Variants in FOXM1 observed in about 807,000 individuals in gnomAD.
The protein encoded by FOXM1 is forkhead box protein M1.
In FOXM1, 25 loss-of-function variants were observed where a neutral mutation model predicts 63.6. The observed-to-expected ratio is 0.39, with a 90% confidence interval of 0.29 to 0.55. FOXM1 has a LOEUF of 0.55. Among genes scored for constraint, FOXM1 ranks in the 20% least tolerant of loss-of-function variants. FOXM1 has a pLI of 0.60. For synonymous variants in FOXM1, 387 were observed against 376.9 expected, an observed-to-expected ratio of 1.03 and a Z score of -0.31; for missense variants, 879 against 958.7, an observed-to-expected ratio of 0.92 and a Z score of 1.10.
Position 2,874,645 on chromosome 12 carries a change from A to G in FOXM1, c.-47-120T>C. On this transcript the variant is annotated intron_variant, in intron 1 of 8. Transcript: ENST00000359843. The surrounding 1 kb of genome is among the most constrained non-coding windows in gnomAD (Gnocchi z 4.3). The stretch of plus-strand genomic sequence containing the variant: ...CATGAGCCTAAAGGCCCAGGTAAAC[A>G]TTCCATGGACTTTTGTAAAGACCTC... 1.5e-6 allele frequency: 1 copy of G among 686,070 alleles called. No homozygotes were observed. Among genetic ancestry groups the G allele is most frequent in the Admixed American group, 2.8e-5 (1 of 35,310 alleles). 42.5% of individuals were successfully genotyped at this position (686,070 alleles called of 1,614,324 possible).
At chr12:2,860,667 G>A (rs1259441951) in intron 8 of FOXM1, among the ~76,000 whole-genome samples, 1 of 151,920 alleles carries the variant, frequency 6.6e-6, no homozygotes, top group Non-Finnish European at 1.5e-5. Context: ...GAGGTCAGAA[G>A]TTCGAGACCA....
intron 6 of FOXM1, among the ~76,000 whole-genome samples, chr12:2,865,113 T>C (rs1416594034): frequency 6.6e-6 from 1 of 152,194 alleles, no homozygotes; most frequent in Non-Finnish European, 1.5e-5. Flanking sequence ...TTGTGGCTGC[T>C]GCAGCATGCT....
At chr12:2,869,530 G>A (rs983706891) in intron 3 of FOXM1, among the ~76,000 whole-genome samples, 2 of 150,840 alleles carry the variant, frequency 1.3e-5, no homozygotes, top group Middle Eastern at 3.4e-3. Context: ...CTGCCTCCTG[G>A]GTTCAAGCGA....
In FOXM1 at chr12:2,864,096, C is replaced by G. The variant is rs2098118812; in HGVS notation, c.1266+224G>C. On this transcript the variant is annotated intron_variant, in intron 8 of 8. Transcript: ENST00000359843. This position sits in a 1 kb window ranked among gnomAD's most constrained non-coding sequence, Gnocchi z 5.1. ...ACAATCACTTTTGTCTGAATTCTTACAAGCTCATCAGGTATTTATGGGCCT... is the reference window on the plus strand; with the variant it reads ...ACAATCACTTTTGTCTGAATTCTTAGAAGCTCATCAGGTATTTATGGGCCT... 4.0e-6 allele frequency: 2 copies of G among 504,730 alleles called. No individual in the cohort carries two copies. The highest frequency in any genetic ancestry group is 3.1e-5 in the East Asian group (1 of 32,678). 31.3% of individuals were successfully genotyped at this position (504,730 alleles called of 1,614,324 possible). A position where few individuals can be genotyped will look rare whatever the true frequency, so the allele number is the denominator to read the frequency against.
chr12:2,864,347 A>C lies in FOXM1; in HGVS notation c.1239T>G (p.His413Gln). The C allele has an allele frequency of 1.9e-6, 3 of 1,612,140 alleles. No homozygotes were observed. The highest frequency in any genetic ancestry group is 2.5e-6 in the Non-Finnish European group (3 of 1,178,482). Residue 413 changes from histidine to glutamine, a missense_variant, in exon 8 of 9, where the codon CAT becomes CAG. Transcript: ENST00000359843. This position sits in a 1 kb window ranked among gnomAD's most constrained non-coding sequence, Gnocchi z 5.1. ...ASLMSSELAR[H>Q]SKRVRIAPKV... The stretch of plus-strand genomic sequence containing the variant: ...TGGGGGCAATGCGGACTCGCTTGCT[A>C]TGGCGGGCAAGCTCTGAGCTCATGA...
At position 2,874,172 on chromosome 12, in the gene FOXM1, G is replaced by A. The variant is rs778609028; in HGVS notation, c.307C>T (p.Pro103Ser). 4 of 1,614,166 alleles carry A rather than the reference G, an allele frequency of 2.5e-6. No homozygotes were observed. Among genetic ancestry groups the A allele is most frequent in the South Asian group, 2.2e-5 (2 of 91,084 alleles). ...CAGCTGATGAGGATGAATTTGTTGG[G>A]CCCACTACTGCCACTCTCTTTTCCC... ...AKGKESGSSG[P>S]NKFILISCGG... Residue 103 changes from proline (P) to serine (S), a missense_variant, in exon 2 of 9, where the codon CCC becomes TCC. Coordinates refer to ENST00000359843, the MANE Select transcript of FOXM1 (RefSeq NM_021953.4). The surrounding 1 kb of genome is among the most constrained non-coding windows in gnomAD (Gnocchi z 4.3).
At chr12:2,875,531 C>T (rs968349786) in intron 1 of FOXM1, among the ~76,000 whole-genome samples, 4 of 152,140 alleles carry the variant, frequency 2.6e-5, no homozygotes. Flanking sequence ...ATTTAAAAAG[C>T]ATGTTTTCTT....
At chr12:2,862,796 C>T (rs750471558) in intron 8 of FOXM1, among the ~76,000 whole-genome samples, 1 of 151,850 alleles carries the variant, frequency 6.6e-6, no homozygotes, top group Non-Finnish European at 1.5e-5. Context: ...CCTGCCTTGG[C>T]CTCCCAAAAT....
chr12:2,867,251 G>A (rs2098124817), intron 4 of FOXM1, among the ~76,000 whole-genome samples: 1 of 152,050 alleles, frequency 6.6e-6, no homozygotes, highest in Non-Finnish European at 1.5e-5. Flanking sequence ...GAGTGCTTGA[G>A]ACTAGGAGTT....
At position 2,868,569 on chromosome 12, in the gene FOXM1, G is replaced by A. The variant is rs753503113; in HGVS notation, c.840C>T (p.Gly280=). The part of the protein sequence containing the change: ...FPYFKHIAKP[G]WKNSIRHNLS... ...TTGCTGTGGGACACATTACCTTCCAGCCTGGCTTGGCAATGTGCTTAAAGT... is the reference window on the plus strand; with the variant it reads ...TTGCTGTGGGACACATTACCTTCCAACCTGGCTTGGCAATGTGCTTAAAGT... Residue 280 remains glycine, a synonymous_variant, in exon 4 of 9, where the codon GGC becomes GGT. Transcript: ENST00000359843. 137 of 1,608,728 alleles carry A rather than the reference G, an allele frequency of 8.5e-5. No homozygotes were observed. The highest frequency in any genetic ancestry group is 1.1e-4 in the Non-Finnish European group (130 of 1,176,970).
rs980684925 is a variant in FOXM1, at chr12:2,872,514, CAG to C, written c.503-269_503-268del. ...GTCCCAGCTACTCAGGAGGCTGAGA[CAG>C]GAGAATTGCTCGAACCCGGGAGACG... On this transcript the variant is annotated intron_variant, in intron 2 of 8. Transcript: ENST00000359843. This position sits in a 1 kb window ranked among gnomAD's most constrained non-coding sequence, Gnocchi z 4.0. 6.6e-6 allele frequency among the ~76,000 whole-genome samples: 1 copy of C among 152,104 alleles called. No homozygotes were observed. Among genetic ancestry groups the C allele is most frequent in the Non-Finnish European group, 1.5e-5 (1 of 68,004 alleles).
At chr12:2,873,825 G>A (rs571513049) in intron 2 of FOXM1, 152 bp downstream of exon 2, 34 of 807,966 alleles carry the variant, frequency 4.2e-5, no homozygotes, top group African/African-American at 6.9e-5. Context: ...TGATCCGCCC[G>A]CCTCAGCCTC....
intron 8 of FOXM1, among the ~76,000 whole-genome samples, chr12:2,862,260 G>A (rs1002785980): frequency 1.3e-5 from 2 of 151,738 alleles, no homozygotes; most frequent in Non-Finnish European, 2.9e-5. Flanking sequence ...TGTTGTATGT[G>A]TACATATAAA....
rs2098135184 is a variant in FOXM1 at position 2,872,677 on chromosome 12, G to A, written c.503-430C>T. ...CAAGACCTCTGCCTTTAGGGACGGA[G>A]AACACATGCTGAATCTATTGTGGCT... On this transcript the variant is annotated intron_variant, in intron 2 of 8. Coordinates refer to ENST00000359843, the MANE Select transcript of FOXM1 (RefSeq NM_021953.4). This position sits in a 1 kb window ranked among gnomAD's most constrained non-coding sequence, Gnocchi z 4.0. Among the ~76,000 whole-genome samples, 1 of 152,152 alleles carries A rather than the reference G, an allele frequency of 6.6e-6. No homozygotes were observed. Among genetic ancestry groups the A allele is most frequent in the African/African-American group, 2.4e-5 (1 of 41,438 alleles).
chr12:2,871,660 A>T (rs199565034), intron 3 of FOXM1, among the ~76,000 whole-genome samples: 1,675 of 150,468 alleles, frequency 0.011, 18 homozygotes, highest in East Asian at 0.023. Flanking sequence ...TTAAAAAAAA[A>T]AAATATATAT....
intron 4 of FOXM1, among the ~76,000 whole-genome samples, chr12:2,867,965 G>A (rs1384437436): frequency 6.9e-6 from 1 of 144,454 alleles, no homozygotes; most frequent in Non-Finnish European, 1.5e-5. Flanking sequence ...GGGTGACAGA[G>A]CGAGACTCTG....
chr12:2,866,008 G>T (rs1365248736), intron 5 of FOXM1, among the ~76,000 whole-genome samples: 1 of 152,108 alleles, frequency 6.6e-6, no homozygotes, highest in Non-Finnish European at 1.5e-5. Flanking sequence ...AATCACCTGA[G>T]ATGCTTGCTA....
In FOXM1 at chr12:2,859,341, A is replaced by G. The variant is rs1404404320; in HGVS notation, c.1589T>C (p.Met530Thr). 14 of 1,613,504 alleles carry G rather than the reference A, an allele frequency of 8.7e-6. No homozygotes were observed. The highest frequency in any genetic ancestry group is 1.1e-5 in the Non-Finnish European group (13 of 1,179,946). Residue 530 changes from methionine to threonine, a missense_variant, in exon 9 of 9, where the codon ATG becomes ACG. Met to Thr is a moderately conservative substitution (Grantham distance 81, BLOSUM62 -1). Transcript: ENST00000359843. ...LRSPTRCVSE[M>T]LVIQHRERRE... ...CCTCTCCCTGTGTTGAATCACAAGCATTTCCGAGACACACCGGGTTGGGGA... is the reference window on the plus strand; with the variant it reads ...CCTCTCCCTGTGTTGAATCACAAGCGTTTCCGAGACACACCGGGTTGGGGA...
Position 2,858,474 on chromosome 12 carries a change from CA to C in FOXM1, c.*163del. On this transcript the variant is annotated 3_prime_UTR_variant, in exon 9 of 9. Coordinates refer to ENST00000359843, the MANE Select transcript of FOXM1 (RefSeq NM_021953.4). ...ACTCTTGGGGAACACAAGGTCCCAG[CA>C]GTGGCTAGGGTGTGACTGCTACTTT... 1.6e-6 allele frequency: 1 copy of C among 609,196 alleles called. No homozygotes were observed. Among genetic ancestry groups the C allele is most frequent in the South Asian group, 2.2e-5 (1 of 46,502 alleles). The allele number at this position is 609,196 out of a possible 1,614,324, so 37.7% of individuals were successfully genotyped here.
Sources: allele counts gnomAD v4.1 joint callset (sites outside exome capture counted in the v4.1 genomes callset), GRCh38; gene constraint gnomAD v4.1.1; non-coding constraint Gnocchi (gnomAD v3.1); transcripts MANE v1.5; gene names NCBI Gene and HGNC (gene_info 2026-07-23, HGNC 2026-07-21).